ZCCHC10: variants seen among roughly 807,000 people sequenced by gnomAD.
ZCCHC10 encodes the protein zinc finger CCHC domain-containing protein 10.
ZCCHC10 carries 16 observed loss-of-function variants against 19.5 expected under a neutral mutation model. The observed-to-expected ratio is 0.82, with a 90% confidence interval of 0.56 to 1.25. The LOEUF is 1.25. ZCCHC10 is among the 50% of genes most tolerant of loss of function. The probability of loss-of-function intolerance (pLI) is 0.00; values close to 1 mark genes in which losing one functional copy is unlikely to be tolerated. For synonymous variants in ZCCHC10, 67 were observed against 72.5 expected, an observed-to-expected ratio of 0.92 and a Z score of 0.38; for missense variants, 197 against 201.0, an observed-to-expected ratio of 0.98 and a Z score of 0.12.
intron 3 of ZCCHC10, among the ~76,000 whole-genome samples, chr5:133,002,564 C>G (rs2126551425): frequency 6.6e-6 from 1 of 152,062 alleles, no homozygotes; most frequent in East Asian, 1.9e-4. Flanking sequence ...CATTTTTTTG[C>G]TTACATTCCT....
In ZCCHC10 at chr5:133,006,388, A is replaced by G. The variant is rs1763122557; in HGVS notation, c.269+371T>C. Among the ~76,000 whole-genome samples, 3 of 152,254 alleles carry G rather than the reference A, an allele frequency of 2.0e-5. No homozygotes were observed. The South Asian group carries it at 6.2e-4, about 32-fold the overall frequency. On this transcript the variant is annotated intron_variant, in intron 3 of 4. Coordinates refer to ENST00000509437, the MANE Select transcript of ZCCHC10 (RefSeq NM_001300816.3). ...GGTTAATTCAATTGTCATTTCATTG[A>G]CAGTTGAGGCAAAAAAGCAAAATGA...
At chr5:133,014,850 T>C (rs1763814762) in intron 2 of ZCCHC10, among the ~76,000 whole-genome samples, 1 of 152,232 alleles carries the variant, frequency 6.6e-6, no homozygotes. Flanking sequence ...AATGCGTGAT[T>C]ACACAAGGGT....
Position 132,998,650 on chromosome 5 carries a change from C to T in ZCCHC10, c.512G>A (p.Ser171Asn), listed in dbSNP as rs1459967353. ...SDSDSDSSSS[S>N]SSSTSTDSSS... is the part of the protein sequence containing the mutation. ...GCTATCTGTGCTGGTGCTACTGCTA[C>T]TGGAAGAGCTGGAATCTGAGTCTGA... Residue 171 changes from serine (S) to asparagine (N), a missense_variant, in exon 5 of 5, where the codon AGT becomes AAT. By Grantham distance (46) the Ser-to-Asn change is conservative. Transcript: ENST00000509437. 9 of 1,613,966 alleles carry T rather than the reference C, an allele frequency of 5.6e-6. No homozygotes were observed. The highest frequency in any genetic ancestry group is 2.2e-5 in the South Asian group (2 of 91,088).
At chr5:133,006,144 C>T (rs7733904) in intron 3 of ZCCHC10, among the ~76,000 whole-genome samples, 3,094 of 147,346 alleles carry the variant, frequency 0.021, 118 homozygotes, top group African/African-American at 0.072. Context: ...GCCACTATGC[C>T]CGGCTAATTT....
intron 2 of ZCCHC10, among the ~76,000 whole-genome samples, chr5:133,013,487 G>A (rs914733854): frequency 6.6e-6 from 1 of 152,084 alleles, no homozygotes; most frequent in Non-Finnish European, 1.5e-5. Context: ...ACTTTGGAAG[G>A]CTGAGGCGGG....
chr5:133,009,613 C>CAAAAAAAAAAAAAAAAAAAAAAAAA, intron 2 of ZCCHC10, among the ~76,000 whole-genome samples: 1 of 55,524 alleles, frequency 1.8e-5, no homozygotes, highest in Non-Finnish European at 3.6e-5. Flanking sequence ...GACTCCGTCT[C>CAAAAAAAAAAAAAAAAAAAAAAAAA]AAAAAAAAAA....
chr5:133,003,469 A>G (rs1423197854), intron 3 of ZCCHC10: 1 of 212,386 alleles, frequency 4.7e-6, no homozygotes, highest in Admixed American at 5.5e-5. Flanking sequence ...AATGCATGAA[A>G]TCATGTTGAG....
intron 3 of ZCCHC10, among the ~76,000 whole-genome samples, chr5:133,004,039 T>C (rs1762947790): frequency 2.0e-5 from 3 of 152,284 alleles, no homozygotes; most frequent in Admixed American, 2.0e-4. Flanking sequence ...GACAGATTTT[T>C]TTCTAGTTTA....
intron 2 of ZCCHC10, chr5:133,019,278 ACACT>A (rs1764137035): frequency 4.7e-6 from 1 of 214,508 alleles, no homozygotes; most frequent in Middle Eastern, 4.9e-4. Context: ...TATGTTTTAA[ACACT>A]CACAACTCAC....
Position 132,998,676 on chromosome 5 carries a change from A to C in ZCCHC10, c.486T>G (p.Asp162Glu). Reference sequence around the variant, plus strand: ...TGGAAGAGCTGGAATCTGAGTCTGAATCAGAGGAGGAGGAAGAGGTTGTGG... The same window carrying C: ...TGGAAGAGCTGGAATCTGAGTCTGACTCAGAGGAGGAGGAAGAGGTTGTGG... The part of the protein sequence containing the change: ...ASSTTSSSSS[D>E]SDSDSSSSSS... Residue 162 changes from aspartate to glutamate, a missense_variant, in exon 5 of 5, where the codon GAT (aspartate) becomes GAG (glutamate). Coordinates refer to ENST00000509437, the MANE Select transcript of ZCCHC10 (RefSeq NM_001300816.3). 4 of 1,614,160 alleles carry C rather than the reference A, an allele frequency of 2.5e-6. No individual in the cohort carries two copies. Among genetic ancestry groups the C allele is most frequent in the Non-Finnish European group, 3.4e-6 (4 of 1,180,022 alleles).
At chr5:133,017,958 A>C (rs1764031872) in intron 2 of ZCCHC10, among the ~76,000 whole-genome samples, 1 of 152,096 alleles carries the variant, frequency 6.6e-6, no homozygotes, top group Admixed American at 6.6e-5. Flanking sequence ...AGCCTGGCCA[A>C]CATGGCAAAA....
At chr5:133,021,184 C>T (rs1188152462) in intron 2 of ZCCHC10, among the ~76,000 whole-genome samples, 1 of 151,876 alleles carries the variant, frequency 6.6e-6, no homozygotes. Flanking sequence ...CGTGAGCCAC[C>T]GCGCACGGCC....
intron 2 of ZCCHC10, among the ~76,000 whole-genome samples, chr5:133,016,382 T>C (rs1262534512): frequency 1.3e-5 from 2 of 152,244 alleles, no homozygotes; most frequent in Admixed American, 1.3e-4. Flanking sequence ...TCACAGATTT[T>C]TAAAATTTTT....
intron 2 of ZCCHC10, among the ~76,000 whole-genome samples, chr5:133,012,007 G>T (rs1264270422): frequency 6.6e-6 from 1 of 151,650 alleles, no homozygotes; most frequent in Non-Finnish European, 1.5e-5. Flanking sequence ...ATGGTGGCAG[G>T]CACCTGTAGT....
At chr5:133,013,495 G>A (rs946229041) in intron 2 of ZCCHC10, among the ~76,000 whole-genome samples, 6 of 152,112 alleles carry the variant, frequency 3.9e-5, no homozygotes, top group African/African-American at 7.2e-5. Flanking sequence ...AGGCTGAGGC[G>A]GGCAGATCAC....
At chr5:133,005,313 C>G (rs1040100739) in intron 3 of ZCCHC10, among the ~76,000 whole-genome samples, 1 of 150,002 alleles carries the variant, frequency 6.7e-6, no homozygotes, top group African/African-American at 2.5e-5. Context: ...AAATTTTTTA[C>G]TCTAAAAAAT....
intron 2 of ZCCHC10, among the ~76,000 whole-genome samples, chr5:133,012,573 G>A (rs906076306): frequency 5.9e-5 from 9 of 151,692 alleles, no homozygotes; most frequent in Non-Finnish European, 1.3e-4. Context: ...AAAGAAAGAT[G>A]GATAACAGAA....
rs1178654393 is a variant in ZCCHC10 at position 132,998,772 on chromosome 5, T to A, written c.390A>T (p.Thr130=). The change falls in exon 5 of 5, where the codon ACA becomes ACT. Residue 130 remains threonine (T), a synonymous_variant. Coordinates refer to ENST00000509437, the MANE Select transcript of ZCCHC10 (RefSeq NM_001300816.3). ...ASDSSSESEE[T]STSSSSEDSD... ...TGTCCTCTGAGGAGGAAGAGGTAGA[T>A]GTTTCTTCACTCTCTGATGAAGAAT... 6.2e-7 allele frequency: 1 copy of A among 1,614,198 alleles called. No homozygotes were observed. Among genetic ancestry groups the A allele is most frequent in the Non-Finnish European group, 8.5e-7 (1 of 1,180,032 alleles).
chr5:133,019,135 G>A (rs1437371525), intron 2 of ZCCHC10: 4 of 445,562 alleles, frequency 9.0e-6, no homozygotes, highest in South Asian at 1.6e-5. Flanking sequence ...TATAATCCTG[G>A]CACTTTGAGA....
Sources: gnomAD v4.1 joint callset for allele counts (sites outside exome capture counted in the v4.1 genomes callset) on GRCh38, gnomAD v4.1.1 for gene constraint, MANE v1.5 for transcripts, NCBI Gene and HGNC (gene_info 2026-07-23, HGNC 2026-07-21) for gene names.